The following PTER variants were observed in gnomAD, a reference collection of about 807,000 sequenced individuals.
The protein encoded by PTER is phosphotriesterase related.
In PTER, 38 loss-of-function variants were observed where a neutral mutation model predicts 29.6. The observed-to-expected ratio is 1.28, with a 90% CI of 0.99 to 1.68. PTER has a LOEUF of 1.68. Ranked by LOEUF, PTER falls within the 40% of genes most tolerant of loss-of-function variation. The pLI is 0.00. For missense variants in PTER, 482 were observed against 427.8 expected, an observed-to-expected ratio of 1.13 and a Z score of -1.12; for synonymous variants, 172 against 154.5, an observed-to-expected ratio of 1.11 and a Z score of -0.84.
In PTER at chr10:16,437,052, G is replaced by A. The variant is rs1392898454; in HGVS notation, c.-49+5G>A. On this transcript the variant is annotated splice_donor_5th_base_variant and intron_variant, in intron 1 of 4. Transcript: ENST00000535784. ...AGGCAGCGCGTTGTACCCGAGGTAAGGCTTCTTGGAGTCAGAGCAGGAGCC... is the reference window on the plus strand; with the variant it reads ...AGGCAGCGCGTTGTACCCGAGGTAAAGCTTCTTGGAGTCAGAGCAGGAGCC... The A allele has an allele frequency of 6.6e-6, 1 of 152,624 alleles. No homozygotes were observed. Among genetic ancestry groups the A allele is most frequent in the African/African-American group, 2.4e-5 (1 of 41,478 alleles). The allele number at this position is 152,624 out of a possible 1,614,324, so 9.5% of individuals were successfully genotyped here. A position where few individuals can be genotyped will look rare whatever the true frequency, so the allele number is the denominator to read the frequency against.
chr10:16,510,122 T>C (rs1434090794), intron 4 of PTER, among the ~76,000 whole-genome samples: 1 of 152,146 alleles, frequency 6.6e-6, no homozygotes, highest in East Asian at 1.9e-4. Context: ...GAGAATCCCA[T>C]AGAAGAGCCA....
intron 1 of PTER, among the ~76,000 whole-genome samples, chr10:16,443,200 G>T (rs1490243020): frequency 1.3e-5 from 2 of 152,176 alleles, no homozygotes; most frequent in African/African-American, 4.8e-5. Flanking sequence ...GGCCTCTTCT[G>T]AGGTCTCTCT....
At chr10:16,486,653 C>A in intron 3 of PTER, 36 bp downstream of exon 3, 2 of 1,573,090 alleles carry the variant, frequency 1.3e-6, no homozygotes, top group South Asian at 1.2e-5. Flanking sequence ...TGCAAACTGC[C>A]ATATAATTAA....
At chr10:16,464,576 G>C (rs17138634) in intron 1 of PTER, among the ~76,000 whole-genome samples, 7,075 of 152,202 alleles carry the variant, frequency 0.046, 264 homozygotes, top group East Asian at 0.17. Context: ...CATCCTCTGG[G>C]CCAAGCCCTT....
chr10:16,438,632 G>A (rs1477713269), intron 1 of PTER, among the ~76,000 whole-genome samples: 3 of 149,172 alleles, frequency 2.0e-5, no homozygotes, highest in Non-Finnish European at 4.5e-5. Flanking sequence ...GACACATTAA[G>A]GTGAGTGGTC....
intron 3 of PTER, among the ~76,000 whole-genome samples, chr10:16,500,705 C>T (rs1480140918): frequency 6.6e-6 from 1 of 152,064 alleles, no homozygotes; most frequent in Non-Finnish European, 1.5e-5. Flanking sequence ...AGAATTGGGT[C>T]CCTACAGTCC....
At chr10:16,438,018 T>C (rs1027765136) in intron 1 of PTER, among the ~76,000 whole-genome samples, 1 of 152,274 alleles carries the variant, frequency 6.6e-6, no homozygotes, top group South Asian at 2.1e-4. Context: ...TTTCTTTTGC[T>C]TTTTTTAAAG....
chr10:16,449,713 A>G (rs1317971574), intron 1 of PTER, among the ~76,000 whole-genome samples: 1 of 152,160 alleles, frequency 6.6e-6, no homozygotes, highest in African/African-American at 2.4e-5. Flanking sequence ...CTCTTCAAGG[A>G]TGCAGGTGCT....
At position 16,443,381 on chromosome 10, in the gene PTER, G is replaced by A. The variant is rs543594014; in HGVS notation, c.-49+6334G>A. ...CCACATCCTAAGGTGCTGAGGGTTCGGGCTGCAACAGACAAATTTTGCAGG... is the reference window on the plus strand; with the variant it reads ...CCACATCCTAAGGTGCTGAGGGTTCAGGCTGCAACAGACAAATTTTGCAGG... On this transcript the variant is annotated intron_variant, in intron 1 of 4. Coordinates refer to ENST00000535784, the MANE Select transcript of PTER (RefSeq NM_001261836.2). Among the ~76,000 whole-genome samples the A allele has an allele frequency of 4.6e-5, 7 of 152,234 alleles. No individual in the cohort carries two copies. The South Asian group carries it at 1.2e-3, about 27-fold the overall frequency.
chr10:16,484,535 C>G lies in PTER; in HGVS notation c.151C>G (p.Pro51Ala), dbSNP rs540365250. Residue 51 changes from proline (P) to alanine (A), a missense_variant, in exon 2 of 5, where the codon CCT becomes GCT. Coordinates refer to ENST00000535784, the MANE Select transcript of PTER (RefSeq NM_001261836.2). Reference sequence around the variant, plus strand: ...GTGCCAGGAAGCTATTTCCAAAGAACCTATCGTGATGAAAAATTTATATTG... The same window carrying G: ...GTGCCAGGAAGCTATTTCCAAAGAAGCTATCGTGATGAAAAATTTATATTG... ...PPCQEAISKEPIVMKNLYWIQ... is the reference protein window; with the variant it reads ...PPCQEAISKEAIVMKNLYWIQ... 1 of 1,613,968 alleles carries G rather than the reference C, an allele frequency of 6.2e-7. No homozygotes were observed. Among genetic ancestry groups the G allele is most frequent in the African/African-American group, 1.3e-5 (1 of 74,976 alleles).
Position 16,486,737 on chromosome 10 carries a change from A to G in PTER, c.698+120A>G, listed in dbSNP as rs180998802. 22 of 1,112,714 alleles carry G rather than the reference A, an allele frequency of 2.0e-5. No individual in the cohort carries two copies. The East Asian group carries it at 5.0e-4, about 25-fold the overall frequency. The allele number at this position is 1,112,714 out of a possible 1,614,324, so 68.9% of individuals were successfully genotyped here. A position where few individuals can be genotyped will look rare whatever the true frequency, so the allele number is the denominator to read the frequency against. The stretch of plus-strand genomic sequence containing the variant: ...TCACGCAGAGAAAACCACTAACTAT[A>G]TGGAAGGTAGTATTTATAAAGTTTC... On this transcript the variant is annotated intron_variant, in intron 3 of 4. Coordinates refer to ENST00000535784, the MANE Select transcript of PTER (RefSeq NM_001261836.2).
chr10:16,492,553 T>C (rs561188127), intron 3 of PTER, among the ~76,000 whole-genome samples: 1 of 152,302 alleles, frequency 6.6e-6, no homozygotes, highest in East Asian at 1.9e-4. Flanking sequence ...GCTGTAGGTA[T>C]TTTTATGACG....
chr10:16,446,490 G>C (rs1489751182), intron 1 of PTER, among the ~76,000 whole-genome samples: 1 of 152,038 alleles, frequency 6.6e-6, no homozygotes, highest in Admixed American at 6.6e-5. Flanking sequence ...TTCACTCTTT[G>C]CCTGTTAGTG....
intron 1 of PTER, among the ~76,000 whole-genome samples, chr10:16,442,397 T>C (rs560461894): frequency 3.3e-5 from 5 of 152,296 alleles, no homozygotes; most frequent in African/African-American, 1.2e-4. Flanking sequence ...GACCATGTAA[T>C]TGAGAAATTG....
intron 3 of PTER, among the ~76,000 whole-genome samples, chr10:16,492,765 G>A (rs1388396540): frequency 1.3e-5 from 2 of 152,174 alleles, no homozygotes; most frequent in Non-Finnish European, 2.9e-5. Context: ...TTTGATTAAG[G>A]GCACAATGAT....
chr10:16,438,426 G>C (rs966888883), intron 1 of PTER, among the ~76,000 whole-genome samples: 2 of 150,722 alleles, frequency 1.3e-5, no homozygotes, highest in African/African-American at 2.4e-5. Flanking sequence ...TCTCCCACAG[G>C]TGCACACCAC....
intron 1 of PTER, among the ~76,000 whole-genome samples, chr10:16,465,809 A>G (rs998905497): frequency 2.0e-5 from 3 of 152,166 alleles, no homozygotes; most frequent in Admixed American, 6.5e-5. Context: ...GGCCTCAGGA[A>G]ACGTAAAATT....
rs1310400292 is a variant in PTER, at chr10:16,512,811, G to C, written c.*1555G>C. The C allele has an allele frequency of 1.3e-5, 2 of 152,484 alleles. No individual in the cohort carries two copies. The highest frequency in any genetic ancestry group is 2.9e-5 in the Non-Finnish European group (2 of 67,974). 9.4% of individuals were successfully genotyped at this position (152,484 alleles called of 1,614,324 possible). On this transcript the variant is annotated 3_prime_UTR_variant, in exon 5 of 5. Transcript: ENST00000535784. Reference sequence around the variant, plus strand: ...AAATCTACTCGTCAAAGAGTTTTCAGAGGCAATGAAAGGGGAACAGATTTT... The same window carrying C: ...AAATCTACTCGTCAAAGAGTTTTCACAGGCAATGAAAGGGGAACAGATTTT...
At chr10:16,451,447 G>A (rs1195188226) in intron 1 of PTER, among the ~76,000 whole-genome samples, 1 of 152,166 alleles carries the variant, frequency 6.6e-6, no homozygotes, top group African/African-American at 2.4e-5. Flanking sequence ...GGTGGCTCAC[G>A]CCTGTAGTCC....
Sources: gnomAD v4.1 joint callset for allele counts (sites outside exome capture counted in the v4.1 genomes callset) on GRCh38, gnomAD v4.1.1 for gene constraint, MANE v1.5 for transcripts, NCBI Gene and HGNC (gene_info 2026-07-23, HGNC 2026-07-21) for gene names.